The following ARSB variants were observed in gnomAD, a reference collection of about 807,000 sequenced individuals.
ARSB encodes N-acetylgalactosamine-4-sulfatase.
ARSB carries 41 observed loss-of-function variants against 50.9 expected under a neutral mutation model. That is an observed-to-expected ratio of 0.81 (90% confidence interval 0.63 to 1.04). The LOEUF (loss-of-function observed/expected upper bound fraction) is 1.04. ARSB is among the 50% of genes least tolerant of loss of function. The pLI is 0.00. For missense variants in ARSB, 672 were observed against 693.3 expected (o/e 0.97, Z 0.35); for synonymous variants, 269 against 284.8 (o/e 0.94, Z 0.56).
intron 4 of ARSB, among the ~76,000 whole-genome samples, chr5:78,911,841 G>T (rs1226412522): frequency 6.6e-6 from 1 of 152,132 alleles, no homozygotes; most frequent in African/African-American, 2.4e-5. Context: ...TAAATGATAT[G>T]CAAGAGGCTG....
chr5:78,830,590 G>A (rs1232586803), intron 6 of ARSB, among the ~76,000 whole-genome samples: 2 of 152,204 alleles, frequency 1.3e-5, no homozygotes, highest in African/African-American at 4.8e-5. Context: ...AGTGTTAACA[G>A]TGAAGGTTTC....
At chr5:78,926,184 C>A (rs1468177295) in intron 4 of ARSB, among the ~76,000 whole-genome samples, 2 of 152,062 alleles carry the variant, frequency 1.3e-5, no homozygotes, top group East Asian at 3.9e-4. Context: ...CGGCCATAAT[C>A]CTATTTTTTA....
At chr5:78,848,949 T>C (rs1287965039) in intron 5 of ARSB, among the ~76,000 whole-genome samples, 1 of 152,214 alleles carries the variant, frequency 6.6e-6, no homozygotes, top group African/African-American at 2.4e-5. Flanking sequence ...GAGTTCATTG[T>C]AGATTCTGGA....
chr5:78,967,571 G>A (rs1157310578), intron 2 of ARSB, among the ~76,000 whole-genome samples: 3 of 151,946 alleles, frequency 2.0e-5, no homozygotes, highest in Non-Finnish European at 4.4e-5. Flanking sequence ...TACTCAGGAG[G>A]CTGAGGCAGG....
intron 6 of ARSB, among the ~76,000 whole-genome samples, chr5:78,802,467 G>A (rs1423253630): frequency 6.6e-6 from 1 of 152,078 alleles, no homozygotes; most frequent in Non-Finnish European, 1.5e-5. Context: ...GAAATATTAT[G>A]GAATAAATGA....
intron 1 of ARSB, among the ~76,000 whole-genome samples, chr5:78,972,693 C>T (rs987561296): frequency 7.9e-5 from 12 of 152,124 alleles, no homozygotes; most frequent in Non-Finnish European, 1.5e-4. Flanking sequence ...AATCCAAAAG[C>T]CCCAGTGGAG....
At chr5:78,968,592 G>C (rs771753755) in intron 2 of ARSB, among the ~76,000 whole-genome samples, 1 of 151,930 alleles carries the variant, frequency 6.6e-6, no homozygotes, top group Non-Finnish European at 1.5e-5. Context: ...CTCGTGATCC[G>C]CCTGCTTCGG....
At chr5:78,938,575 G>A (rs1474693056) in intron 4 of ARSB, among the ~76,000 whole-genome samples, 1 of 152,210 alleles carries the variant, frequency 6.6e-6, no homozygotes, top group Non-Finnish European at 1.5e-5. Context: ...AGAACCCAGT[G>A]AGATTGGTTT....
chr5:78,917,906 G>A (rs1749633325), intron 4 of ARSB, among the ~76,000 whole-genome samples: 1 of 152,184 alleles, frequency 6.6e-6, no homozygotes, highest in Non-Finnish European at 1.5e-5. Context: ...GCCACCATCA[G>A]TTAATTTCTT....
intron 5 of ARSB, among the ~76,000 whole-genome samples, chr5:78,847,806 C>A (rs896827804): frequency 2.0e-5 from 3 of 152,028 alleles, no homozygotes; most frequent in Admixed American, 2.0e-4. Flanking sequence ...TGCATGTATA[C>A]ATGAATTTAT....
chr5:78,897,596 T>C (rs926052086), intron 4 of ARSB, among the ~76,000 whole-genome samples: 22 of 152,164 alleles, frequency 1.4e-4, no homozygotes, highest in African/African-American at 4.8e-4. Flanking sequence ...AGTCAATTAA[T>C]TGATTTACAA....
chr5:78,808,074 C>T (rs1244378851), intron 6 of ARSB, among the ~76,000 whole-genome samples: 2 of 99,070 alleles, frequency 2.0e-5, no homozygotes, highest in Non-Finnish European at 3.5e-5. Context: ...GCCTGGGCGA[C>T]AGAGCGAGAC....
chr5:78,820,978 T>C (rs1192601955), intron 6 of ARSB, among the ~76,000 whole-genome samples: 1 of 92,296 alleles, frequency 1.1e-5, no homozygotes, highest in Admixed American at 1.0e-4. Flanking sequence ...ATATTATCTA[T>C]GTAAAAAAAA....
chr5:78,792,535 AG>A (rs1244837613), intron 6 of ARSB, among the ~76,000 whole-genome samples: 1 of 152,224 alleles, frequency 6.6e-6, no homozygotes, highest in African/African-American at 2.4e-5. Flanking sequence ...CTTTAGAACA[AG>A]CTCTTTTTCT....
At chr5:78,903,321 T>C (rs566547174) in intron 4 of ARSB, among the ~76,000 whole-genome samples, 13 of 152,334 alleles carry the variant, frequency 8.5e-5, no homozygotes, top group African/African-American at 3.1e-4. Flanking sequence ...ATCTGCTTCA[T>C]TTAAACAGTC....
At chr5:78,840,817 T>G (rs1293332634) in intron 5 of ARSB, among the ~76,000 whole-genome samples, 1 of 152,136 alleles carries the variant, frequency 6.6e-6, no homozygotes, top group Non-Finnish European at 1.5e-5. Context: ...CTTTCTTTTC[T>G]CATTTTCTTT....
chr5:78,843,072 C>T (rs1395309126), intron 5 of ARSB, among the ~76,000 whole-genome samples: 5 of 152,314 alleles, frequency 3.3e-5, no homozygotes, highest in Admixed American at 3.3e-4. Context: ...GGCGGTGGAA[C>T]CCAAGCATTG....
rs375495611 is a variant in ARSB at position 78,849,122 on chromosome 5, A to G, written c.1143-9696T>C. Among the ~76,000 whole-genome samples the G allele has an allele frequency of 3.5e-4, 54 of 152,230 alleles. No individual in the cohort carries two copies. In the South Asian group the frequency reaches 7.1e-3, roughly 20 times the overall value. ...TTGTTGCCATTGCTTTTGGTGTTTT[A>G]GACATGAAGTCCTTGCCCATGCCTA... On this transcript the variant is annotated intron_variant, in intron 5 of 7. Coordinates refer to ENST00000264914, the MANE Select transcript of ARSB (RefSeq NM_000046.5).
At position 78,916,987 on chromosome 5, in the gene ARSB, G is replaced by A. The variant is rs77410837; in HGVS notation, c.899-31160C>T. ...TAAATAAGGAAAGCAAATAATAAAC[G>A]TTGAGAGAATTCCCACTGTGGTGAG... On this transcript the variant is annotated intron_variant, in intron 4 of 7. Coordinates refer to ENST00000264914, the MANE Select transcript of ARSB (RefSeq NM_000046.5). Among the ~76,000 whole-genome samples the A allele has an allele frequency of 1.4e-3, 206 of 152,310 alleles. 1 individual carries two copies. Among genetic ancestry groups the A allele is most frequent in the Middle Eastern group, 0.01 (3 of 294 alleles).
Sources: allele counts gnomAD v4.1 joint callset (sites outside exome capture counted in the v4.1 genomes callset), GRCh38; gene constraint gnomAD v4.1.1; transcripts MANE v1.5; gene names NCBI Gene and HGNC (gene_info 2026-07-23, HGNC 2026-07-21).